The following SLIT2 variants were observed in gnomAD, a reference collection of about 807,000 sequenced individuals.
SLIT2 encodes slit homolog 2 protein.
SLIT2 carries 41 observed loss-of-function variants against 185.7 expected under a neutral mutation model. The observed-to-expected ratio is 0.22, with a 90% CI of 0.17 to 0.29. The LOEUF (loss-of-function observed/expected upper bound fraction) is 0.29, where lower values mean the gene tolerates loss of function less well. SLIT2 is among the 10% of genes least tolerant of loss of function. SLIT2 has a pLI of 1.00. For synonymous variants in SLIT2, 693 were observed against 680.2 expected, an observed-to-expected ratio of 1.02 and a Z score of -0.29; for missense variants, 1,571 against 1,909.0, an observed-to-expected ratio of 0.82 and a Z score of 3.30.
In SLIT2 at chr4:20,252,312, G is replaced by C. The variant is rs1381961168; in HGVS notation, c.-1504G>C. ...TGCCAGGGGCTCCGGAGTCGGCAGAGCCACCGAGTCCCCGCTCTGAGTCGT... is the reference window on the plus strand; with the variant it reads ...TGCCAGGGGCTCCGGAGTCGGCAGACCCACCGAGTCCCCGCTCTGAGTCGT... On this transcript the variant is annotated 5_prime_UTR_variant, in exon 1 of 37. Coordinates refer to ENST00000504154, the MANE Select transcript of SLIT2 (RefSeq NM_004787.4). Among the ~76,000 whole-genome samples, 1 of 152,174 alleles carries C rather than the reference G, an allele frequency of 6.6e-6. No individual in the cohort carries two copies. The highest frequency in any genetic ancestry group is 1.9e-4 in the East Asian group (1 of 5,164).
intron 4 of SLIT2, among the ~76,000 whole-genome samples, chr4:20,400,041 A>G (rs944987442): frequency 1.3e-5 from 2 of 151,790 alleles, no homozygotes; most frequent in African/African-American, 2.4e-5. Flanking sequence ...CCTGTTAAGG[A>G]TAGTAACTTA....
chr4:20,507,165 A>G (rs530597581), intron 9 of SLIT2, among the ~76,000 whole-genome samples: 1 of 151,982 alleles, frequency 6.6e-6, no homozygotes, highest in Non-Finnish European at 1.5e-5. Flanking sequence ...CCATTTTATC[A>G]TGACTCTTCT....
At position 20,254,291 on chromosome 4, in the gene SLIT2, A is replaced by G. The variant is rs1261306454; in HGVS notation, c.179+297A>G. The stretch of plus-strand genomic sequence containing the variant: ...CTGGGGAGCGGGTAGATAGGGGACA[A>G]GTACTGGAGGATGCCCGGGGCAAGT... On this transcript the variant is annotated intron_variant, in intron 1 of 36. Coordinates refer to ENST00000504154, the MANE Select transcript of SLIT2 (RefSeq NM_004787.4). The surrounding 1 kb of genome is among the most constrained non-coding windows in gnomAD (Gnocchi z 5.1). 6.6e-6 allele frequency among the ~76,000 whole-genome samples: 1 copy of G among 152,096 alleles called. No homozygotes were observed. Among genetic ancestry groups the G allele is most frequent in the Non-Finnish European group, 1.5e-5 (1 of 68,014 alleles).
chr4:20,442,702 A>G (rs1577668253), intron 4 of SLIT2, among the ~76,000 whole-genome samples: 2 of 152,088 alleles, frequency 1.3e-5, no homozygotes. Flanking sequence ...GAGGGTGTGG[A>G]CTGGAGCAGA....
chr4:20,431,021 A>G (rs1728933695), intron 4 of SLIT2, among the ~76,000 whole-genome samples: 2 of 152,236 alleles, frequency 1.3e-5, no homozygotes, highest in Admixed American at 6.5e-5. Flanking sequence ...AGATCAAAAT[A>G]GAAGCACTTA....
At chr4:20,506,189 G>C (rs2148819365) in intron 9 of SLIT2, among the ~76,000 whole-genome samples, 1 of 152,032 alleles carries the variant, frequency 6.6e-6, no homozygotes, top group East Asian at 1.9e-4. Flanking sequence ...ACATGGAAAA[G>C]TCTTTCTTGT....
chr4:20,607,465 A>T (rs1728878975), intron 33 of SLIT2, among the ~76,000 whole-genome samples: 1 of 152,152 alleles, frequency 6.6e-6, no homozygotes, highest in Non-Finnish European at 1.5e-5. Flanking sequence ...TAAATAATAC[A>T]TGGATGATAT....
chr4:20,495,654 G>A (rs522501), intron 9 of SLIT2, among the ~76,000 whole-genome samples: 114,490 of 151,982 alleles, frequency 0.75, 43,434 homozygotes, highest in East Asian at 0.95. Flanking sequence ...AGAAGGTGGT[G>A]TATCAGGTAA....
chr4:20,506,970 A>G (rs919215080), intron 9 of SLIT2, among the ~76,000 whole-genome samples: 1 of 152,032 alleles, frequency 6.6e-6, no homozygotes, highest in Non-Finnish European at 1.5e-5. Flanking sequence ...AAGATTGAAA[A>G]TAGATAAATG....
At chr4:20,609,032 G>A (rs554126619) in intron 33 of SLIT2, among the ~76,000 whole-genome samples, 10 of 152,202 alleles carry the variant, frequency 6.6e-5, no homozygotes, top group East Asian at 1.9e-4. Flanking sequence ...ACACTGCACC[G>A]TGTATTGGTC....
chr4:20,337,852 CA>C (rs1036688140), intron 4 of SLIT2, among the ~76,000 whole-genome samples: 1 of 151,356 alleles, frequency 6.6e-6, no homozygotes, highest in Non-Finnish European at 1.5e-5. Flanking sequence ...TAAGAAGAAC[CA>C]AAACACTTTA....
At chr4:20,595,632 A>T in intron 30 of SLIT2, 65 bp from the exon 31 acceptor site, 1 of 1,593,416 alleles carries the variant, frequency 6.3e-7, no homozygotes, top group Non-Finnish European at 8.6e-7. Context: ...GTGTCTAGAT[A>T]AAATGCATTG....
rs1729916313 is a variant in SLIT2, at chr4:20,619,247, G to C, written c.*238G>C. The stretch of plus-strand genomic sequence containing the variant: ...AAGAAAGATATACCTGGAGACATTA[G>C]AACAGCGATGGGAACCATTGCAACT... On this transcript the variant is annotated 3_prime_UTR_variant, in exon 37 of 37. Transcript: ENST00000504154. 2.6e-6 allele frequency: 1 copy of C among 382,440 alleles called. No individual in the cohort carries two copies. The highest frequency in any genetic ancestry group is 4.2e-5 in the Admixed American group (1 of 24,000). 23.7% of individuals were successfully genotyped at this position (382,440 alleles called of 1,614,324 possible). A position where few individuals can be genotyped will look rare whatever the true frequency, so the allele number is the denominator to read the frequency against.
In SLIT2 at chr4:20,480,787, T is replaced by C; in HGVS notation, c.539T>C (p.Leu180Pro). Residue 180 changes from leucine to proline, a missense_variant and splice_region_variant, in exon 6 of 37, where the codon CTC becomes CCC. Coordinates refer to ENST00000504154, the MANE Select transcript of SLIT2 (RefSeq NM_004787.4). ...AFRALRDLEV[L>P]TLNNNNITRL... ...AGGGCTCTCCGGGACCTGGAAGTGC[T>C]GTAAGTACTGCTATTTCTCTTGCTC... 1 of 1,606,542 alleles carries C rather than the reference T, an allele frequency of 6.2e-7. No individual in the cohort carries two copies. Among genetic ancestry groups the C allele is most frequent in the Non-Finnish European group, 8.5e-7 (1 of 1,173,092 alleles).
chr4:20,583,609 G>C (rs1363772743), intron 29 of SLIT2, among the ~76,000 whole-genome samples: 1 of 152,022 alleles, frequency 6.6e-6, no homozygotes, highest in African/African-American at 2.4e-5. Context: ...CAAGAGATGA[G>C]ACCATCCTGG....
At chr4:20,496,818 T>A (rs1437487931) in intron 9 of SLIT2, among the ~76,000 whole-genome samples, 1 of 152,152 alleles carries the variant, frequency 6.6e-6, no homozygotes, top group Non-Finnish European at 1.5e-5. Context: ...ATCAGACATT[T>A]GGAACAGATT....
intron 32 of SLIT2, 22 bp downstream of exon 32, chr4:20,596,677 A>T (rs1345564131): frequency 8.1e-6 from 13 of 1,599,344 alleles, no homozygotes; most frequent in Non-Finnish European, 1.1e-5. Flanking sequence ...CTCTCTATGG[A>T]GAGATGATCG....
intron 29 of SLIT2, among the ~76,000 whole-genome samples, chr4:20,574,786 C>CAAAAA (rs57022828): frequency 3.5e-5 from 3 of 86,172 alleles, no homozygotes; most frequent in Non-Finnish European, 7.0e-5. Context: ...GACTCGCTTT[C>CAAAAA]AAAAAAAAAA....
chr4:20,257,140 A>T (rs1430713030), intron 2 of SLIT2, among the ~76,000 whole-genome samples: 1 of 152,046 alleles, frequency 6.6e-6, no homozygotes, highest in Non-Finnish European at 1.5e-5. Context: ...AAGGATTCTT[A>T]TTTTTTTGCG....
Sources: allele counts gnomAD v4.1 joint callset (sites outside exome capture counted in the v4.1 genomes callset), GRCh38; gene constraint gnomAD v4.1.1; non-coding constraint Gnocchi (gnomAD v3.1); transcripts MANE v1.5; gene names NCBI Gene and HGNC (gene_info 2026-07-23, HGNC 2026-07-21).